The following TSC22D1 variants were observed in gnomAD, a reference collection of about 807,000 sequenced individuals.
TSC22D1 encodes TSC22 domain family member 1.
TSC22D1 carries 9 observed loss-of-function variants against 74.2 expected under a neutral mutation model. The ratio of observed to expected loss-of-function variants is 0.12; its 90% CI spans 0.07 to 0.21. The LOEUF is 0.21. Ranked by LOEUF, TSC22D1 falls within the 10% of genes least tolerant of loss-of-function variation. The pLI is 1.00. For synonymous variants in TSC22D1, 586 were observed against 492.5 expected, an observed-to-expected ratio of 1.19 and a Z score of -2.51; for missense variants, 1,427 against 1,304.7, an observed-to-expected ratio of 1.09 and a Z score of -1.44.
intron 1 of TSC22D1, among the ~76,000 whole-genome samples, chr13:44,458,466 G>A (rs1230880006): frequency 1.3e-5 from 2 of 152,218 alleles, no homozygotes; most frequent in African/African-American, 4.8e-5. Flanking sequence ...AAAGACGCTG[G>A]CTGCAGCTGG....
intron 1 of TSC22D1, among the ~76,000 whole-genome samples, chr13:44,459,973 A>G (rs1044374528): frequency 1.3e-5 from 2 of 152,180 alleles, no homozygotes; most frequent in African/African-American, 4.8e-5. Flanking sequence ...GCCAGCGGAA[A>G]GCAGCCAGCC....
chr13:44,464,496 T>C (rs925882815), intron 1 of TSC22D1, among the ~76,000 whole-genome samples: 5 of 152,258 alleles, frequency 3.3e-5, no homozygotes, highest in African/African-American at 9.6e-5. Context: ...CATAGTGATA[T>C]AGTCTTTTTT....
chr13:44,433,954 A>T lies in TSC22D1; in HGVS notation c.*672T>A. The T allele has an allele frequency of 6.5e-7, 1 of 1,528,802 alleles. No individual in the cohort carries two copies. Among genetic ancestry groups the T allele is most frequent in the Non-Finnish European group, 8.7e-7 (1 of 1,144,282 alleles). The allele number at this position is 1,528,802 out of a possible 1,614,324, so 94.7% of individuals were successfully genotyped here. On this transcript the variant is annotated 3_prime_UTR_variant, in exon 3 of 3. Transcript: ENST00000458659. ...AGTAGTTACAGTCCTCTATTGTACA[A>T]AATAGTTACACTACATACACAAATA... is the stretch of plus-strand genomic sequence containing the variant.
At chr13:44,455,868 G>A (rs1595091031) in intron 1 of TSC22D1, among the ~76,000 whole-genome samples, 1 of 152,162 alleles carries the variant, frequency 6.6e-6, no homozygotes, top group Non-Finnish European at 1.5e-5. Context: ...ATATAAAAGA[G>A]ACGTCAATTT....
chr13:44,543,995 A>G (rs1881646747), intron 1 of TSC22D1, among the ~76,000 whole-genome samples: 1 of 152,150 alleles, frequency 6.6e-6, no homozygotes, highest in Admixed American at 6.5e-5. Context: ...CGGGAGGCTG[A>G]AGGAGGAGAA....
intron 1 of TSC22D1, among the ~76,000 whole-genome samples, chr13:44,555,763 TA>T (rs1180179381): frequency 6.6e-6 from 1 of 151,266 alleles, no homozygotes. Flanking sequence ...AAAAAAAAAG[TA>T]TGAAATGCCT....
intron 1 of TSC22D1, among the ~76,000 whole-genome samples, chr13:44,496,317 G>A (rs975248659): frequency 6.6e-6 from 1 of 152,134 alleles, no homozygotes; most frequent in Non-Finnish European, 1.5e-5. Context: ...GGAGGCTATT[G>A]CTTAGGCCAG....
intron 1 of TSC22D1, among the ~76,000 whole-genome samples, chr13:44,492,885 T>C (rs1252382536): frequency 6.6e-6 from 1 of 152,146 alleles, no homozygotes; most frequent in African/African-American, 2.4e-5. Context: ...AGTTCTAATA[T>C]TTCCCTTGAA....
At chr13:44,499,824 CAT>C (rs1879142258) in intron 1 of TSC22D1, among the ~76,000 whole-genome samples, 1 of 152,134 alleles carries the variant, frequency 6.6e-6, no homozygotes, top group African/African-American at 2.4e-5. Flanking sequence ...CAGTGGCTCA[CAT>C]GTGTAATCAC....
At chr13:44,476,569 C>T (rs2137921386) in intron 1 of TSC22D1, among the ~76,000 whole-genome samples, 1 of 152,206 alleles carries the variant, frequency 6.6e-6, no homozygotes, top group East Asian at 1.9e-4. Flanking sequence ...TTGAAGTCAA[C>T]CTTTAATTTA....
Position 44,574,336 on chromosome 13 carries a change from G to C in TSC22D1, c.1739C>G (p.Ser580Trp), listed in dbSNP as rs753210601. ...TMSAATGIQP[S>W]PVNVVGVTSA... ...AGTTACACCAACCACATTTACAGGCGATGGCTGGATACCAGTTGCAGCACT... is the reference window on the plus strand; with the variant it reads ...AGTTACACCAACCACATTTACAGGCCATGGCTGGATACCAGTTGCAGCACT... Residue 580 changes from serine (S) to tryptophan (W), a missense_variant, in exon 1 of 3, where the codon TCG (serine) becomes TGG (tryptophan). Ser to Trp is a radical substitution (Grantham distance 177). Transcript: ENST00000458659. The C allele has an allele frequency of 6.2e-7, 1 of 1,614,252 alleles. No individual in the cohort carries two copies. The highest frequency in any genetic ancestry group is 1.1e-5 in the South Asian group (1 of 91,090).
chr13:44,506,466 AC>A (rs2137996377), intron 1 of TSC22D1, among the ~76,000 whole-genome samples: 1 of 152,282 alleles, frequency 6.6e-6, no homozygotes, highest in South Asian at 2.1e-4. Flanking sequence ...GTTATAACAC[AC>A]ACTGGGACCT....
At chr13:44,519,840 A>G (rs1880223938) in intron 1 of TSC22D1, among the ~76,000 whole-genome samples, 1 of 152,118 alleles carries the variant, frequency 6.6e-6, no homozygotes. Flanking sequence ...GAGATATTTC[A>G]GCCCTCCAGC....
Position 44,576,301 on chromosome 13 carries a change from G to T in TSC22D1, c.-227C>A, listed in dbSNP as rs1884243987. ...CAGGGCGGCCGGGGACCCGAAGGGG[G>T]GATCCCTTCAGTCCTTCGCCATTCA... On this transcript the variant is annotated 5_prime_UTR_variant, in exon 1 of 3. Transcript: ENST00000458659. 2 of 587,364 alleles carry T rather than the reference G, an allele frequency of 3.4e-6. No homozygotes were observed. The highest frequency in any genetic ancestry group is 1.9e-5 in the African/African-American group (1 of 53,530). The allele number at this position is 587,364 out of a possible 1,614,324, so 36.4% of individuals were successfully genotyped here.
chr13:44,476,034 T>A (rs1000624660), intron 1 of TSC22D1, among the ~76,000 whole-genome samples: 1 of 152,192 alleles, frequency 6.6e-6, no homozygotes, highest in African/African-American at 2.4e-5. Context: ...CCATATAATA[T>A]ACTCTGGGGA....
intron 1 of TSC22D1, chr13:44,436,953 C>CCT: frequency 9.8e-7 from 1 of 1,015,276 alleles, no homozygotes; most frequent in Non-Finnish European, 1.2e-6. Context: ...CCTTCCAGGT[C>CCT]CTCCCGCTTC....
chr13:44,549,275 C>T (rs1379861419), intron 1 of TSC22D1, among the ~76,000 whole-genome samples: 2 of 152,052 alleles, frequency 1.3e-5, no homozygotes, highest in African/African-American at 2.4e-5. Context: ...TAAAACAGGG[C>T]GCTTTCCAAT....
At chr13:44,452,108 G>A (rs1344976225) in intron 1 of TSC22D1, among the ~76,000 whole-genome samples, 1 of 152,108 alleles carries the variant, frequency 6.6e-6, no homozygotes, top group African/African-American at 2.4e-5. Flanking sequence ...GGAGAACTTT[G>A]AACAAAACAC....
At chr13:44,489,004 C>A (rs1878579057) in intron 1 of TSC22D1, among the ~76,000 whole-genome samples, 3 of 152,076 alleles carry the variant, frequency 2.0e-5, no homozygotes, top group Admixed American at 6.6e-5. Flanking sequence ...AGTGAAGAGA[C>A]CTTCCCAGAT....
Sources: gnomAD v4.1 joint callset for allele counts (sites outside exome capture counted in the v4.1 genomes callset) on GRCh38, gnomAD v4.1.1 for gene constraint, MANE v1.5 for transcripts, NCBI Gene and HGNC (gene_info 2026-07-23, HGNC 2026-07-21) for gene names.